Variants in TESK2 observed in about 807,000 individuals in gnomAD.
TESK2 encodes dual specificity testis-specific protein kinase 2.
A neutral mutation model predicts 57.1 loss-of-function variants in TESK2; 39 were observed. That is an observed-to-expected ratio of 0.68 (90% CI 0.53 to 0.89). TESK2 has a LOEUF of 0.89. TESK2 is among the 40% of genes least tolerant of loss of function. The pLI, the probability that TESK2 is intolerant of heterozygous loss-of-function variation, is 0.00. For missense variants in TESK2, 646 were observed against 732.1 expected, an observed-to-expected ratio of 0.88 and a Z score of 1.36; for synonymous variants, 249 against 267.9, an observed-to-expected ratio of 0.93 and a Z score of 0.69.
chr1:45,397,852 C>G (rs545743735), intron 3 of TESK2, among the ~76,000 whole-genome samples: 23 of 152,236 alleles, frequency 1.5e-4, no homozygotes, highest in South Asian at 1.5e-3. Flanking sequence ...ATAATAGCAC[C>G]AAACATTTAT....
chr1:45,385,467 C>A (rs1403006820), intron 4 of TESK2: 2 of 365,364 alleles, frequency 5.5e-6, no homozygotes, highest in Non-Finnish European at 7.6e-6. Flanking sequence ...TAGATCAGGA[C>A]AGCAAACATT....
At chr1:45,421,537 A>G (rs1169675550) in intron 3 of TESK2, among the ~76,000 whole-genome samples, 188 bp downstream of exon 3, 2 of 152,188 alleles carry the variant, frequency 1.3e-5, no homozygotes, top group Non-Finnish European at 2.9e-5. Context: ...TGCTTTATTA[A>G]ATGCAGTTAA....
rs1446926547 is a variant in TESK2 at position 45,345,503 on chromosome 1, G to A, written c.1053C>T (p.Ile351=). 2 of 1,614,060 alleles carry A rather than the reference G, an allele frequency of 1.2e-6. No homozygotes were observed. The highest frequency in any genetic ancestry group is 2.2e-5 in the East Asian group (1 of 44,876). The stretch of plus-strand genomic sequence containing the variant: ...GTCTTGGGCATGGTGACTTGTGGGG[G>A]ATCTTGTCATCCAGTGAGCTTAGTC... ...VKRLSSLDDK[I]PHKSPCPRRT... Residue 351 remains isoleucine (I), a synonymous_variant, in exon 11 of 11, where the codon ATC becomes ATT. Coordinates refer to ENST00000372086, the MANE Select transcript of TESK2 (RefSeq NM_007170.3).
chr1:45,442,259 G>C (rs1240739861), intron 2 of TESK2, among the ~76,000 whole-genome samples: 9 of 151,834 alleles, frequency 5.9e-5, no homozygotes, highest in African/African-American at 9.7e-5. Flanking sequence ...TTTAAAGAGA[G>C]ACTTTTATGG....
At chr1:45,348,689 A>G (rs925654239) in intron 5 of TESK2, among the ~76,000 whole-genome samples, 1 of 152,100 alleles carries the variant, frequency 6.6e-6, no homozygotes, top group African/African-American at 2.4e-5. Flanking sequence ...TATTCTCCCA[A>G]TTATCCTTTT....
chr1:45,350,896 A>G (rs1279879086), intron 5 of TESK2, among the ~76,000 whole-genome samples: 2 of 152,222 alleles, frequency 1.3e-5, no homozygotes, highest in Admixed American at 1.3e-4. Context: ...CATTCTCTAC[A>G]TCCCTCCAGC....
chr1:45,345,805 T>C, intron 10 of TESK2, 72 bp downstream of exon 10: 1 of 1,279,958 alleles, frequency 7.8e-7, no homozygotes, highest in Non-Finnish European at 1.1e-6. Context: ...ATCACAACCC[T>C]AAGAGGAGAA....
intron 4 of TESK2, among the ~76,000 whole-genome samples, chr1:45,360,038 G>A (rs1231374620): frequency 6.6e-6 from 1 of 152,160 alleles, no homozygotes; most frequent in Non-Finnish European, 1.5e-5. Context: ...CAGAAAGAAT[G>A]ACTAAAAATA....
chr1:45,401,822 C>T (rs1021054474), intron 3 of TESK2, among the ~76,000 whole-genome samples: 3 of 152,060 alleles, frequency 2.0e-5, no homozygotes, highest in Admixed American at 6.6e-5. Flanking sequence ...TGCCCTTCTA[C>T]GAACCAATGA....
chr1:45,479,326 T>C (rs566274564), intron 1 of TESK2, among the ~76,000 whole-genome samples: 1 of 152,216 alleles, frequency 6.6e-6, no homozygotes, highest in Admixed American at 6.5e-5. Flanking sequence ...CATAGTGAAA[T>C]CATTGTGGAA....
chr1:45,459,761 T>C (rs1652257935), intron 1 of TESK2, among the ~76,000 whole-genome samples: 1 of 152,176 alleles, frequency 6.6e-6, no homozygotes, highest in Non-Finnish European at 1.5e-5. Flanking sequence ...GAGGATTGCC[T>C]GAGCCCAGGA....
intron 1 of TESK2, among the ~76,000 whole-genome samples, chr1:45,468,037 A>G (rs1652625247): frequency 1.3e-5 from 2 of 151,988 alleles, no homozygotes; most frequent in South Asian, 2.1e-4. Context: ...TTAGCCCGGC[A>G]TGGTGGTGCA....
At chr1:45,431,288 C>T (rs1246826891) in intron 2 of TESK2, among the ~76,000 whole-genome samples, 2 of 152,068 alleles carry the variant, frequency 1.3e-5, no homozygotes, top group Admixed American at 6.6e-5. Flanking sequence ...CATGTTGGCA[C>T]GTGCCTGTAG....
At chr1:45,475,077 AAAAAAGAAAAG>A (rs1652929012) in intron 1 of TESK2, among the ~76,000 whole-genome samples, 1 of 143,356 alleles carries the variant, frequency 7.0e-6, no homozygotes, top group East Asian at 1.9e-4. Context: ...AAAAAAAAAA[AAAAAAGAAAAG>A]AAAAGAAAGG....
chr1:45,477,224 C>T (rs1473908587), intron 1 of TESK2, among the ~76,000 whole-genome samples: 1 of 150,846 alleles, frequency 6.6e-6, no homozygotes, highest in Non-Finnish European at 1.5e-5. Context: ...CAGAGTGAGA[C>T]TCTGTCTCAA....
intron 1 of TESK2, among the ~76,000 whole-genome samples, chr1:45,465,451 TGGAA>T (rs61097907): frequency 0.073 from 7,612 of 104,420 alleles, 622 homozygotes; most frequent in African/African-American, 0.23. Flanking sequence ...AGAAAAGAGA[TGGAA>T]GGAAGGAAGG....
intron 3 of TESK2, among the ~76,000 whole-genome samples, chr1:45,413,566 ATTCTTT>A (rs1188332251): frequency 1.3e-5 from 2 of 152,152 alleles, no homozygotes; most frequent in Non-Finnish European, 2.9e-5. Context: ...TTTTCAACTC[ATTCTTT>A]TTCTTTTTCT....
At chr1:45,484,366 C>T (rs1653368021) in intron 1 of TESK2, among the ~76,000 whole-genome samples, 1 of 151,960 alleles carries the variant, frequency 6.6e-6, no homozygotes, top group African/African-American at 2.4e-5. Context: ...GCCTCTGCCG[C>T]CCAAAGTGCT....
At chr1:45,477,756 C>G (rs1653055993) in intron 1 of TESK2, among the ~76,000 whole-genome samples, 1 of 152,050 alleles carries the variant, frequency 6.6e-6, no homozygotes. Context: ...ATTCTTTAGC[C>G]CGGCATTCGA....
Sources: gnomAD v4.1 joint callset for allele counts (sites outside exome capture counted in the v4.1 genomes callset) on GRCh38, gnomAD v4.1.1 for gene constraint, MANE v1.5 for transcripts, NCBI Gene and HGNC (gene_info 2026-07-23, HGNC 2026-07-21) for gene names.